The following SCN4A variants were observed in gnomAD, a reference collection of about 807,000 sequenced individuals.
SCN4A encodes sodium voltage-gated channel alpha subunit 4.
Under a neutral mutation model 162.0 loss-of-function variants are expected in SCN4A, and 83 were observed. That is an observed-to-expected ratio of 0.51 (90% confidence interval 0.43 to 0.61). SCN4A has a LOEUF of 0.61. Ranked by LOEUF, SCN4A falls within the 20% of genes least tolerant of loss-of-function variation. The pLI, the probability that SCN4A is intolerant of heterozygous loss-of-function variation, is 0.00. For synonymous variants in SCN4A, 944 were observed against 985.1 expected (o/e 0.96, Z 0.78); for missense variants, 2,196 against 2,462.5 (o/e 0.89, Z 2.29).
At chr17:63,953,443 T>C (rs1908976386) in intron 13 of SCN4A, among the ~76,000 whole-genome samples, 1 of 152,060 alleles carries the variant, frequency 6.6e-6, no homozygotes. Flanking sequence ...TCAACGCATG[T>C]TGGCTGTTAT....
intron 8 of SCN4A, 23 bp from the exon 9 acceptor site, chr17:63,964,700 T>C (rs769595089): frequency 4.4e-6 from 7 of 1,580,004 alleles, no homozygotes; most frequent in Admixed American, 1.8e-5. Context: ...GGAGAGGGAG[T>C]GGAGGGGTCC....
In SCN4A at chr17:63,941,391, C is replaced by T. The variant is rs201115695; in HGVS notation, c.4891G>A (p.Ala1631Thr). 35 of 1,613,728 alleles carry T rather than the reference C, an allele frequency of 2.2e-5. No individual in the cohort carries two copies. In the African/African-American group the frequency reaches 3.6e-4, roughly 17 times the overall value. ...YETWEKFDPD[A>T]TQFIAYSRLS... ...CGGCTGTAGGCGATGAACTGGGTGGCGTCGGGGTCGAACTTCTCCCATGTC... is the reference window on the plus strand; with the variant it reads ...CGGCTGTAGGCGATGAACTGGGTGGTGTCGGGGTCGAACTTCTCCCATGTC... The change falls in exon 24 of 24, where the codon GCC (alanine) becomes ACC (threonine). Residue 1631 changes from alanine to threonine, a missense_variant. Transcript: ENST00000435607. This position sits in a 1 kb window ranked among gnomAD's most constrained non-coding sequence, Gnocchi z 6.2.
chr17:63,953,393 CA>C (rs1908975189), intron 13 of SCN4A, among the ~76,000 whole-genome samples: 2 of 151,702 alleles, frequency 1.3e-5, no homozygotes, highest in African/African-American at 4.8e-5. Flanking sequence ...AAAAAACAAA[CA>C]AAAAACCCAT....
intron 5 of SCN4A, among the ~76,000 whole-genome samples, chr17:63,969,108 G>T (rs906311534): frequency 1.3e-5 from 2 of 152,214 alleles, no homozygotes; most frequent in Admixed American, 1.3e-4. Context: ...CTCCCAAAAT[G>T]CTGGGATTAC....
At chr17:63,959,950 C>T (rs1258735216) in intron 11 of SCN4A, among the ~76,000 whole-genome samples, 1 of 152,184 alleles carries the variant, frequency 6.6e-6, no homozygotes, top group Non-Finnish European at 1.5e-5. Flanking sequence ...GTCTGTATGC[C>T]TACAGCCTCT....
rs1908879992 is a variant in SCN4A, at chr17:63,950,704, G to A, written c.2853+720C>T. ...GTCCTTTCCCTGCCAGAGCTGGACA[G>A]TGGGGAAGGGGGCTCAAGACCCAGG... On this transcript the variant is annotated intron_variant, in intron 14 of 23. Coordinates refer to ENST00000435607, the MANE Select transcript of SCN4A (RefSeq NM_000334.4). The surrounding 1 kb of genome is among the most constrained non-coding windows in gnomAD (Gnocchi z 4.6). Among the ~76,000 whole-genome samples the A allele has an allele frequency of 6.6e-6, 1 of 152,260 alleles. No individual in the cohort carries two copies. Among genetic ancestry groups the A allele is most frequent in the African/African-American group, 2.4e-5 (1 of 41,466 alleles).
In SCN4A at chr17:63,961,213, C is replaced by T; in HGVS notation, c.1825G>A (p.Val609Met). ...HYPMTEHFDN[V>M]LTVGNLVFTG... ...CCTACCAGGTTGCCCACAGTGAGCA[C>T]GTTGTCAAAGTGCTCCGTCATGGGG... is the stretch of plus-strand genomic sequence containing the variant. Residue 609 changes from valine to methionine, a missense_variant, in exon 11 of 24, where the codon GTG becomes ATG. Coordinates refer to ENST00000435607, the MANE Select transcript of SCN4A (RefSeq NM_000334.4). The T allele has an allele frequency of 2.5e-6, 4 of 1,603,014 alleles. No homozygotes were observed. The highest frequency in any genetic ancestry group is 1.7e-4 in the Middle Eastern group (1 of 6,024).
In SCN4A at chr17:63,951,951, G is replaced by A; in HGVS notation, c.2377-51C>T. 8.2e-7 allele frequency: 1 copy of A among 1,215,318 alleles called. No individual in the cohort carries two copies. Among genetic ancestry groups the A allele is most frequent in the South Asian group, 1.5e-5 (1 of 66,806 alleles). The allele number at this position is 1,215,318 out of a possible 1,614,324, so 75.3% of individuals were successfully genotyped here. ...TCACATCAGTCCCCGGGACCCAGAG[G>A]GTGCCACCTTCAGCCAGCACAGGGG... On this transcript the variant is annotated intron_variant, in intron 13 of 23. Transcript: ENST00000435607. This position sits in a 1 kb window ranked among gnomAD's most constrained non-coding sequence, Gnocchi z 4.5.
intron 18 of SCN4A, among the ~76,000 whole-genome samples, chr17:63,946,047 G>C (rs1908707255): frequency 6.6e-6 from 1 of 152,214 alleles, no homozygotes; most frequent in Non-Finnish European, 1.5e-5. Context: ...GAGGGCACCA[G>C]GGTCTTTGAA....
Position 63,964,493 on chromosome 17 carries a change from T to C in SCN4A, c.1427A>G (p.Lys476Arg), listed in dbSNP as rs776669933. The change falls in exon 9 of 24, where the codon AAA becomes AGA. Residue 476 changes from lysine to arginine, a missense_variant. Physicochemically the swap from Lys to Arg is conservative, Grantham distance 26. Coordinates refer to ENST00000435607, the MANE Select transcript of SCN4A (RefSeq NM_000334.4). ...CTTCTCCAGCTCCTCCTGGTGCTTT[T>C]TGAACTTCTCAAGCATCTGCTGAAA... ...EEFQQMLEKF[K>R]KHQEELEKAK... 6.2e-7 allele frequency: 1 copy of C among 1,614,050 alleles called. No individual in the cohort carries two copies. Among genetic ancestry groups the C allele is most frequent in the South Asian group, 1.1e-5 (1 of 91,080 alleles).
At chr17:63,966,837 A>G (rs572902987) in intron 6 of SCN4A, among the ~76,000 whole-genome samples, 1 of 152,272 alleles carries the variant, frequency 6.6e-6, no homozygotes, top group South Asian at 2.1e-4. Context: ...GCATGGGGTT[A>G]TTGTGTACCT....
chr17:63,945,884 G>C lies in SCN4A; in HGVS notation c.3442-246C>G, dbSNP rs1908702843. On this transcript the variant is annotated intron_variant, in intron 18 of 23. Coordinates refer to ENST00000435607, the MANE Select transcript of SCN4A (RefSeq NM_000334.4). This position sits in a 1 kb window ranked among gnomAD's most constrained non-coding sequence, Gnocchi z 4.4. ...GACTGGAGCCATCAGCCCAGAGTAG[G>C]GGTGCTGGGTTTCTCTGGAAGCAGC... 6.6e-6 allele frequency among the ~76,000 whole-genome samples: 1 copy of C among 152,060 alleles called. No homozygotes were observed. The highest frequency in any genetic ancestry group is 2.1e-4 in the South Asian group (1 of 4,832).
chr17:63,944,588 TG>T lies in SCN4A; in HGVS notation c.3912+84del. The T allele has an allele frequency of 6.9e-7, 1 of 1,449,526 alleles. No individual in the cohort carries two copies. The highest frequency in any genetic ancestry group is 1.4e-5 in the African/African-American group (1 of 71,058). 89.8% of individuals were successfully genotyped at this position (1,449,526 alleles called of 1,614,324 possible). On this transcript the variant is annotated intron_variant, in intron 21 of 23. Coordinates refer to ENST00000435607, the MANE Select transcript of SCN4A (RefSeq NM_000334.4). The surrounding 1 kb of genome is among the most constrained non-coding windows in gnomAD (Gnocchi z 4.3). The stretch of plus-strand genomic sequence containing the variant: ...CTGGTAGGTGCTCAGGCAGCGTTTG[TG>T]GGTTTGTGCAATGGAGAGTGGACAA...
Position 63,943,728 on chromosome 17 carries a change from G to T in SCN4A, c.4017+18C>A, listed in dbSNP as rs1201918703. On this transcript the variant is annotated intron_variant, in intron 22 of 23. Coordinates refer to ENST00000435607, the MANE Select transcript of SCN4A (RefSeq NM_000334.4). Reference sequence around the variant, plus strand: ...AGCCTGGCAGCACACACAGGACAGGGGGCCCAGAGGTCTGTACCTGGGGCC... The same window carrying T: ...AGCCTGGCAGCACACACAGGACAGGTGGCCCAGAGGTCTGTACCTGGGGCC... 2.0e-6 allele frequency: 3 copies of T among 1,496,644 alleles called. No individual in the cohort carries two copies. The highest frequency in any genetic ancestry group is 1.9e-6 in the Non-Finnish European group (2 of 1,073,808). The allele number at this position is 1,496,644 out of a possible 1,614,324, so 92.7% of individuals were successfully genotyped here. A position where few individuals can be genotyped will look rare whatever the true frequency, so the allele number is the denominator to read the frequency against.
chr17:63,966,378 AG>A (rs1458972684), intron 7 of SCN4A, 102 bp downstream of exon 7: 2 of 1,410,454 alleles, frequency 1.4e-6, no homozygotes, highest in Non-Finnish European at 1.0e-6. Context: ...CCATGCCCAC[AG>A]GTTTCCCTGC....
At position 63,964,497 on chromosome 17, in the gene SCN4A, A is replaced by G; in HGVS notation, c.1423T>C (p.Phe475Leu). 1 of 1,613,876 alleles carries G rather than the reference A, an allele frequency of 6.2e-7. No individual in the cohort carries two copies. Among genetic ancestry groups the G allele is most frequent in the African/African-American group, 1.3e-5 (1 of 75,004 alleles). The change falls in exon 9 of 24, where the codon TTC becomes CTC. Residue 475 changes from phenylalanine (F) to leucine (L), a missense_variant. By Grantham distance (22) the Phe-to-Leu change is conservative (BLOSUM62 0). Coordinates refer to ENST00000435607, the MANE Select transcript of SCN4A (RefSeq NM_000334.4). ...EEEFQQMLEK[F>L]KKHQEELEKA... Reference sequence around the variant, plus strand: ...TCCAGCTCCTCCTGGTGCTTTTTGAACTTCTCAAGCATCTGCTGAAACTCC... The same window carrying G: ...TCCAGCTCCTCCTGGTGCTTTTTGAGCTTCTCAAGCATCTGCTGAAACTCC...
At chr17:63,958,227 G>A (rs1487118829) in intron 12 of SCN4A, among the ~76,000 whole-genome samples, 1 of 151,618 alleles carries the variant, frequency 6.6e-6, no homozygotes, top group Non-Finnish European at 1.5e-5. Flanking sequence ...AAATTAGCTA[G>A]GCATGGTGGT....
In SCN4A at chr17:63,964,716, C is replaced by T. The variant is rs369374894; in HGVS notation, c.1243-39G>A. The T allele has an allele frequency of 9.0e-5, 138 of 1,530,572 alleles. 1 individual carries two copies. The highest frequency in any genetic ancestry group is 2.8e-4 in the East Asian group (12 of 42,384). The allele number at this position is 1,530,572 out of a possible 1,614,324, so 94.8% of individuals were successfully genotyped here. On this transcript the variant is annotated intron_variant, in intron 8 of 23. Transcript: ENST00000435607. Reference sequence around the variant, plus strand: ...GAGAGGGAGTGGAGGGGTCCCATGACGTCCACCTCCTTTGACCCAGTGCCC... The same window carrying T: ...GAGAGGGAGTGGAGGGGTCCCATGATGTCCACCTCCTTTGACCCAGTGCCC...
Position 63,971,157 on chromosome 17 carries a change from A to G in SCN4A, c.703+5T>C, listed in dbSNP as rs770444552. 10 of 1,551,022 alleles carry G rather than the reference A, an allele frequency of 6.4e-6. No homozygotes were observed. In the South Asian group the frequency reaches 1.2e-4, roughly 18 times the overall value. On this transcript the variant is annotated splice_donor_5th_base_variant and intron_variant, in intron 5 of 23. Transcript: ENST00000435607. Reference sequence around the variant, plus strand: ...AGGCAGAGGGTCCCTGCACCTCCCCAGTACCTGGGATGACCGTGATGGTTT... The same window carrying G: ...AGGCAGAGGGTCCCTGCACCTCCCCGGTACCTGGGATGACCGTGATGGTTT...
Sources: gnomAD v4.1 joint callset for allele counts (sites outside exome capture counted in the v4.1 genomes callset) on GRCh38, gnomAD v4.1.1 for gene constraint, Gnocchi (gnomAD v3.1) non-coding constraint, MANE v1.5 for transcripts, NCBI Gene and HGNC (gene_info 2026-07-23, HGNC 2026-07-21) for gene names.